B4GALT2: variants seen among roughly 807,000 people sequenced by gnomAD.
B4GALT2 encodes beta-1,4-galactosyltransferase 2, also known as N-acetyllactosamine synthase.
In B4GALT2, 18 loss-of-function variants were observed where a neutral mutation model predicts 33.2. The observed-to-expected ratio is 0.54, with a 90% confidence interval of 0.38 to 0.80. The LOEUF (loss-of-function observed/expected upper bound fraction) is 0.80, where lower values mean the gene tolerates loss of function less well. Among genes scored for constraint, B4GALT2 ranks in the 30% least tolerant of loss-of-function variants. The probability of loss-of-function intolerance (pLI) is 0.00; values close to 1 mark genes in which losing one functional copy is unlikely to be tolerated. For synonymous variants in B4GALT2, 214 were observed against 217.6 expected (o/e 0.98, Z 0.15); for missense variants, 404 against 526.2 (o/e 0.77, Z 2.27).
chr1:43,980,635 C>G, intron 1 of B4GALT2: 1 of 961,928 alleles, frequency 1.0e-6, no homozygotes, highest in Non-Finnish European at 1.2e-6. Context: ...AGTATTCCGT[C>G]TCTTCCCTCT....
chr1:43,985,438 GGGGGA>G lies in B4GALT2; in HGVS notation c.863+43_863+47del, dbSNP rs777367329. On this transcript the variant is annotated intron_variant, in intron 5 of 6. Transcript: ENST00000372324. Reference sequence around the variant, plus strand: ...GCGGTGGGGAATAGGCTGGGTGGGGGGGGGAGGGGGGGTGCAGACTGGGTGGGGTT... The same window carrying G: ...GCGGTGGGGAATAGGCTGGGTGGGGGGGGGGGGTGCAGACTGGGTGGGGTT... 2.4e-3 allele frequency: 1,590 copies of G among 656,104 alleles called. 11 individuals are homozygous for G. Among genetic ancestry groups the G allele is most frequent in the Non-Finnish European group, 3.2e-3 (1,233 of 391,032 alleles). 40.6% of individuals were successfully genotyped at this position (656,104 alleles called of 1,614,324 possible). A position where few individuals can be genotyped will look rare whatever the true frequency, so the allele number is the denominator to read the frequency against.
At chr1:43,985,433 T>TGGGGG in intron 5 of B4GALT2, 33 bp downstream of exon 5, 2 of 143,518 alleles carry the variant, frequency 1.4e-5, no homozygotes, top group Non-Finnish European at 2.3e-5. Flanking sequence ...ATAGGCTGGG[T>TGGGGG]GGGGGGGGGA....
chr1:43,988,760 T>G (rs2085688527), intron 6 of B4GALT2, among the ~76,000 whole-genome samples: 1 of 142,318 alleles, frequency 7.0e-6, no homozygotes, highest in African/African-American at 2.7e-5. Context: ...GGCAGGAGAA[T>G]CGCTTGAACC....
chr1:43,990,418 G>A lies in B4GALT2; in HGVS notation c.1089G>A (p.Gly363=), dbSNP rs200439977. ...PLFTNITVDI[G]RPPSWPPRG ...TCACCAATATCACAGTGGACATTGG[G>A]CGGCCTCCGTCGTGGCCCCCTCGGG... Residue 363 remains glycine (G), a synonymous_variant, in exon 7 of 7, where the codon GGG becomes GGA. Coordinates refer to ENST00000372324, the MANE Select transcript of B4GALT2 (RefSeq NM_003780.5). 102 of 1,614,004 alleles carry A rather than the reference G, an allele frequency of 6.3e-5. No individual in the cohort carries two copies. Among genetic ancestry groups the A allele is most frequent in the Non-Finnish European group, 8.2e-5 (97 of 1,180,008 alleles).
At chr1:43,985,673 C>T in intron 6 of B4GALT2, 52 bp downstream of exon 6, 5 of 1,559,432 alleles carry the variant, frequency 3.2e-6, no homozygotes, top group Non-Finnish European at 4.4e-6. Context: ...TCCCAATATC[C>T]CCAACTCTTG....
chr1:43,988,044 C>T (rs781090819), intron 6 of B4GALT2, among the ~76,000 whole-genome samples: 49 of 152,186 alleles, frequency 3.2e-4, no homozygotes, highest in Non-Finnish European at 5.7e-4. Context: ...ATGGCCATGG[C>T]AGTAGCCTTG....
At chr1:43,980,427 C>A in intron 1 of B4GALT2, 2 of 534,632 alleles carry the variant, frequency 3.7e-6, no homozygotes, top group African/African-American at 2.0e-5. Flanking sequence ...TGACGTTTTG[C>A]TCCAGTGGGA....
At chr1:43,989,015 C>T (rs1390533098) in intron 6 of B4GALT2, among the ~76,000 whole-genome samples, 1 of 152,118 alleles carries the variant, frequency 6.6e-6, no homozygotes, top group Non-Finnish European at 1.5e-5. Flanking sequence ...GCCTAGGCCC[C>T]AGAGATCCCA....
At chr1:43,985,726 C>A in intron 6 of B4GALT2, 105 bp downstream of exon 6, 1 of 1,062,386 alleles carries the variant, frequency 9.4e-7, no homozygotes, top group South Asian at 1.3e-5. Flanking sequence ...GGGGGACCTC[C>A]AAGCATCCTT....
intron 4 of B4GALT2, 73 bp downstream of exon 4, chr1:43,985,128 G>T (rs2085642130): frequency 1.9e-6 from 3 of 1,583,830 alleles, no homozygotes; most frequent in Non-Finnish European, 2.6e-6. Flanking sequence ...CAGCCCCCGA[G>T]CCCCGCTTGC....
chr1:43,985,417 T>C lies in B4GALT2; in HGVS notation c.863+17T>C. Reference sequence around the variant, plus strand: ...CTTCAACCGGTGAGTAAGCACGCGGTGGGGAATAGGCTGGGTGGGGGGGGG... The same window carrying C: ...CTTCAACCGGTGAGTAAGCACGCGGCGGGGAATAGGCTGGGTGGGGGGGGG... On this transcript the variant is annotated intron_variant, in intron 5 of 6. Transcript: ENST00000372324. 1.5e-6 allele frequency: 1 copy of C among 650,084 alleles called. No individual in the cohort carries two copies. Among genetic ancestry groups the C allele is most frequent in the African/African-American group, 5.8e-5 (1 of 17,120 alleles). 40.3% of individuals were successfully genotyped at this position (650,084 alleles called of 1,614,324 possible).
At chr1:43,985,444 G>C (rs770685661) in intron 5 of B4GALT2, 44 bp downstream of exon 5, 6 of 745,890 alleles carry the variant, frequency 8.0e-6, no homozygotes, top group Middle Eastern at 3.8e-4. Context: ...GGGGGGGGGA[G>C]GGGGGGTGCA....
chr1:43,981,597 G>C lies in B4GALT2; in HGVS notation c.314-92G>C. The C allele has an allele frequency of 6.5e-7, 1 of 1,532,422 alleles. No individual in the cohort carries two copies. Among genetic ancestry groups the C allele is most frequent in the Non-Finnish European group, 8.8e-7 (1 of 1,138,042 alleles). The allele number at this position is 1,532,422 out of a possible 1,614,324, so 94.9% of individuals were successfully genotyped here. A position where few individuals can be genotyped will look rare whatever the true frequency, so the allele number is the denominator to read the frequency against. On this transcript the variant is annotated intron_variant, in intron 2 of 6. Coordinates refer to ENST00000372324, the MANE Select transcript of B4GALT2 (RefSeq NM_003780.5). This position sits in a 1 kb window ranked among gnomAD's most constrained non-coding sequence, Gnocchi z 8.1. Reference sequence around the variant, plus strand: ...GTCTGTTGTAAGAGGGCTATTCTTGGGGTTCCCTAGCCCACCCCCAGGCTG... The same window carrying C: ...GTCTGTTGTAAGAGGGCTATTCTTGCGGTTCCCTAGCCCACCCCCAGGCTG...
At chr1:43,989,567 C>T (rs917625682) in intron 6 of B4GALT2, among the ~76,000 whole-genome samples, 3 of 152,120 alleles carry the variant, frequency 2.0e-5, no homozygotes, top group African/African-American at 7.2e-5. Context: ...ATATGCATAT[C>T]GAACAAACAT....
intron 6 of B4GALT2, among the ~76,000 whole-genome samples, chr1:43,988,672 G>GA (rs970636203): frequency 1.4e-4 from 21 of 151,428 alleles, no homozygotes; most frequent in Admixed American, 9.8e-4. Flanking sequence ...TCTCAAAAAA[G>GA]AGAGCGTCTC....
intron 6 of B4GALT2, 81 bp downstream of exon 6, chr1:43,985,702 C>G: frequency 7.3e-7 from 1 of 1,367,080 alleles, no homozygotes; most frequent in Non-Finnish European, 1.0e-6. Context: ...TGGCCCAATC[C>G]CTGATCCCCC....
chr1:43,981,378 C>T lies in B4GALT2; in HGVS notation c.218C>T (p.Thr73Ile). ...AGCAACTGCTCCCGGCCCAACGCCA[C>T]CGCCTCTAGCTCCGGGCTCCCTGAG... ...SSSNCSRPNA[T>I]ASSSGLPEVP... The change falls in exon 2 of 7, where the codon ACC (threonine) becomes ATC (isoleucine). Residue 73 changes from threonine to isoleucine, a missense_variant. Transcript: ENST00000372324. The surrounding 1 kb of genome is among the most constrained non-coding windows in gnomAD (Gnocchi z 8.1). The T allele has an allele frequency of 6.3e-6, 10 of 1,599,058 alleles. No individual in the cohort carries two copies. Among genetic ancestry groups the T allele is most frequent in the Non-Finnish European group, 8.5e-6 (10 of 1,179,788 alleles).
Position 43,981,726 on chromosome 1 carries a change from C to T in B4GALT2, c.351C>T (p.Pro117=). 1 of 1,613,162 alleles carries T rather than the reference C, an allele frequency of 6.2e-7. No individual in the cohort carries two copies. Among genetic ancestry groups the T allele is most frequent in the African/African-American group, 1.3e-5 (1 of 75,022 alleles). Residue 117 remains proline, a synonymous_variant, in exon 3 of 7, where the codon CCC becomes CCT. Transcript: ENST00000372324. This position sits in a 1 kb window ranked among gnomAD's most constrained non-coding sequence, Gnocchi z 8.1. ...RLLIEFTSPM[P]LERVQRENPG... is the part of the protein sequence containing the mutation. ...TGATCGAGTTCACCTCACCCATGCCCCTGGAGCGGGTGCAGAGGGAGAACC... is the reference window on the plus strand; with the variant it reads ...TGATCGAGTTCACCTCACCCATGCCTCTGGAGCGGGTGCAGAGGGAGAACC...
rs1372852117 is a variant in B4GALT2, at chr1:43,979,248, G to T, written c.-316G>T. The T allele has an allele frequency of 1.4e-5, 2 of 146,318 alleles. No individual in the cohort carries two copies. The highest frequency in any genetic ancestry group is 3.0e-5 in the Non-Finnish European group (2 of 65,644). The allele number at this position is 146,318 out of a possible 1,614,324, so 9.1% of individuals were successfully genotyped here. A position where few individuals can be genotyped will look rare whatever the true frequency, so the allele number is the denominator to read the frequency against. On this transcript the variant is annotated 5_prime_UTR_variant, in exon 1 of 7. Coordinates refer to ENST00000372324, the MANE Select transcript of B4GALT2 (RefSeq NM_003780.5). This position sits in a 1 kb window ranked among gnomAD's most constrained non-coding sequence, Gnocchi z 4.8. ...GCCGTAGCGCGGGAGGGAGGCGGCG[G>T]CGCTGTGGTCCGTGGGTCCGCCGGT...
Sources: allele counts gnomAD v4.1 joint callset (sites outside exome capture counted in the v4.1 genomes callset), GRCh38; gene constraint gnomAD v4.1.1; non-coding constraint Gnocchi (gnomAD v3.1); transcripts MANE v1.5; gene names NCBI Gene and HGNC (gene_info 2026-07-23, HGNC 2026-07-21).